The following ANO6 variants were observed in gnomAD, a reference collection of about 807,000 sequenced individuals.
ANO6 encodes the protein anoctamin-6.
A neutral mutation model predicts 117.5 loss-of-function variants in ANO6; 106 were observed. The observed-to-expected ratio is 0.90, with a 90% confidence interval of 0.77 to 1.06. ANO6 has a LOEUF of 1.06. Ranked by LOEUF, ANO6 falls within the 50% of genes least tolerant of loss-of-function variation. ANO6 has a pLI of 0.00. For synonymous variants in ANO6, 367 were observed against 385.1 expected, an observed-to-expected ratio of 0.95 and a Z score of 0.55; for missense variants, 955 against 1,121.1, an observed-to-expected ratio of 0.85 and a Z score of 2.12.
intron 1 of ANO6, among the ~76,000 whole-genome samples, chr12:45,224,761 C>T (rs142101460): frequency 2.0e-5 from 3 of 152,194 alleles, no homozygotes; most frequent in Admixed American, 6.5e-5. Context: ...TCACATATGT[C>T]GATTGCTCTA....
intron 3 of ANO6, chr12:45,335,744 C>T (rs1465400786): frequency 1.3e-5 from 2 of 151,950 alleles, no homozygotes; most frequent in African/African-American, 2.4e-5. Flanking sequence ...AGATCTTGTA[C>T]ATTTTTATTA....
chr12:45,307,526 A>G, intron 2 of ANO6, among the ~76,000 whole-genome samples: 1 of 152,128 alleles, frequency 6.6e-6, no homozygotes, highest in East Asian at 1.9e-4. Context: ...TTGGATATGT[A>G]AAGTTTGAGA....
At chr12:45,323,077 T>C (rs1046255107) in intron 2 of ANO6, among the ~76,000 whole-genome samples, 2 of 152,224 alleles carry the variant, frequency 1.3e-5, no homozygotes, top group African/African-American at 4.8e-5. Flanking sequence ...AATTCTTTAA[T>C]GGTATTGTAT....
downstream of ANO6, among the ~76,000 whole-genome samples, chr12:45,433,902 G>T (rs1474499553): frequency 6.6e-6 from 1 of 152,164 alleles, no homozygotes; most frequent in East Asian, 1.9e-4. Flanking sequence ...TTTTCCTTTG[G>T]TTATGAAACA....
chr12:45,385,472 T>C (rs1420188248), intron 10 of ANO6, among the ~76,000 whole-genome samples: 2 of 152,118 alleles, frequency 1.3e-5, no homozygotes, highest in Non-Finnish European at 2.9e-5. Flanking sequence ...ATGCAGAACC[T>C]TGGGCTTTGG....
At chr12:45,428,066 C>T (rs912174474) in intron 19 of ANO6, among the ~76,000 whole-genome samples, 2 of 151,376 alleles carry the variant, frequency 1.3e-5, no homozygotes, top group African/African-American at 4.9e-5. Context: ...TAAAATGGAA[C>T]ATTCACATGA....
intron 15 of ANO6, among the ~76,000 whole-genome samples, chr12:45,408,971 T>TA (rs1041708005): frequency 3.2e-4 from 48 of 152,052 alleles, no homozygotes; most frequent in African/African-American, 1.1e-3. Flanking sequence ...CCACAGCACT[T>TA]ACCACCAGCT....
chr12:45,342,294 C>T (rs1163928012), intron 3 of ANO6, among the ~76,000 whole-genome samples: 1 of 152,182 alleles, frequency 6.6e-6, no homozygotes. Context: ...CACTATTCAG[C>T]ATGTTGCATT....
intron 16 of ANO6, among the ~76,000 whole-genome samples, chr12:45,412,722 A>T (rs1943117468): frequency 6.6e-6 from 1 of 152,164 alleles, no homozygotes; most frequent in Non-Finnish European, 1.5e-5. Flanking sequence ...TCACTCATTC[A>T]TCCATTAAAC....
chr12:45,303,062 A>G (rs1167025202), intron 2 of ANO6, among the ~76,000 whole-genome samples: 2 of 152,224 alleles, frequency 1.3e-5, no homozygotes, highest in African/African-American at 4.8e-5. Context: ...AGTCAATTCA[A>G]CCAAGAGTAA....
chr12:45,317,155 G>A (rs1408271657), intron 2 of ANO6, among the ~76,000 whole-genome samples: 1 of 64,806 alleles, frequency 1.5e-5, no homozygotes, highest in African/African-American at 4.1e-5. Context: ...AAGTTCCAGG[G>A]TACATGTGCA....
intron 1 of ANO6, among the ~76,000 whole-genome samples, chr12:45,287,656 G>A (rs1025777654): frequency 2.0e-5 from 3 of 152,182 alleles, no homozygotes; most frequent in African/African-American, 7.2e-5. Context: ...GATGACGTCA[G>A]TAATTTTGGT....
rs1015689899 is a variant in ANO6, at chr12:45,349,655, C to T, written c.748-1004C>T. On this transcript the variant is annotated intron_variant, in intron 6 of 19. Coordinates refer to ENST00000320560, the MANE Select transcript of ANO6 (RefSeq NM_001025356.3). Reference sequence around the variant, plus strand: ...TGGATAGAGACGATATTGAAATGTACTGAATAACATAATAAAACTAGGACA... The same window carrying T: ...TGGATAGAGACGATATTGAAATGTATTGAATAACATAATAAAACTAGGACA... Among the ~76,000 whole-genome samples the T allele has an allele frequency of 3.3e-5, 5 of 152,098 alleles. No individual in the cohort carries two copies. The East Asian group carries it at 7.7e-4, about 23-fold the overall frequency.
chr12:45,393,739 C>T (rs1319931208), intron 12 of ANO6, among the ~76,000 whole-genome samples: 1 of 152,164 alleles, frequency 6.6e-6, no homozygotes, highest in Non-Finnish European at 1.5e-5. Context: ...CATATCCAGC[C>T]AAACTAAGCT....
At chr12:45,349,676 G>A (rs962954806) in intron 6 of ANO6, among the ~76,000 whole-genome samples, 1 of 152,094 alleles carries the variant, frequency 6.6e-6, no homozygotes, top group Admixed American at 6.6e-5. Context: ...AATAAAACTA[G>A]GACACTAAAC....
intron 3 of ANO6, chr12:45,335,417 T>G (rs892155385): frequency 1.4e-4 from 22 of 152,004 alleles, no homozygotes; most frequent in African/African-American, 5.1e-4. Flanking sequence ...GGGAAATGTT[T>G]AAAAACTTAC....
rs1299999461 is a variant in ANO6, at chr12:45,431,175, C to G, written c.*1864C>G. 1 of 985,230 alleles carries G rather than the reference C, an allele frequency of 1.0e-6. No individual in the cohort carries two copies. Among genetic ancestry groups the G allele is most frequent in the Non-Finnish European group, 1.2e-6 (1 of 829,924 alleles). The allele number at this position is 985,230 out of a possible 1,614,324, so 61.0% of individuals were successfully genotyped here. A position where few individuals can be genotyped will look rare whatever the true frequency, so the allele number is the denominator to read the frequency against. The stretch of plus-strand genomic sequence containing the variant: ...TGATGCAATCAGAGTTCAAGACAGG[C>G]CCCATGAAGTCTGACTGCACTGGGA... On this transcript the variant is annotated 3_prime_UTR_variant, in exon 20 of 20. Transcript: ENST00000320560.
At chr12:45,402,090 T>C (rs1291192147) in intron 13 of ANO6, 70 bp downstream of exon 13, 9 of 1,348,128 alleles carry the variant, frequency 6.7e-6, no homozygotes, top group African/African-American at 4.4e-5. Flanking sequence ...GAGACTGTTA[T>C]CTTTTAGGCG....
chr12:45,300,265 C>T (rs776257034), intron 1 of ANO6, among the ~76,000 whole-genome samples: 2 of 152,194 alleles, frequency 1.3e-5, no homozygotes, highest in Non-Finnish European at 2.9e-5. Flanking sequence ...ACTGTAGCCT[C>T]AACCTCCCAG....
Sources: allele counts gnomAD v4.1 joint callset (sites outside exome capture counted in the v4.1 genomes callset), GRCh38; gene constraint gnomAD v4.1.1; transcripts MANE v1.5; gene names NCBI Gene and HGNC (gene_info 2026-07-23, HGNC 2026-07-21).